Variants in SCFD2 observed in about 807,000 individuals in gnomAD.
SCFD2 encodes sec1 family domain containing 2, also known as sec1 family domain-containing protein 2.
A neutral mutation model predicts 58.9 loss-of-function variants in SCFD2; 54 were observed. That is an observed-to-expected ratio of 0.92 (90% confidence interval 0.74 to 1.15). The LOEUF is 1.15. SCFD2 is among the 50% of genes most tolerant of loss of function. The probability of loss-of-function intolerance (pLI) is 0.00; values close to 1 mark genes in which losing one functional copy is unlikely to be tolerated. For missense variants in SCFD2, 805 were observed against 836.6 expected (o/e 0.96, Z 0.47); for synonymous variants, 321 against 335.9 (o/e 0.96, Z 0.49).
intron 6 of SCFD2, among the ~76,000 whole-genome samples, chr4:52,910,068 T>G (rs1017496671): frequency 6.6e-6 from 1 of 152,230 alleles, no homozygotes; most frequent in Non-Finnish European, 1.5e-5. Context: ...AATTGACCTC[T>G]TCCTTGGTAA....
At chr4:53,005,999 G>A (rs1488800575) in intron 5 of SCFD2, among the ~76,000 whole-genome samples, 1 of 152,096 alleles carries the variant, frequency 6.6e-6, no homozygotes, top group Non-Finnish European at 1.5e-5. Flanking sequence ...TGTGTTCCTG[G>A]CCAAACCTCT....
chr4:53,086,829 A>G (rs1470065456), intron 5 of SCFD2, among the ~76,000 whole-genome samples: 4 of 152,178 alleles, frequency 2.6e-5, no homozygotes, highest in Non-Finnish European at 5.9e-5. Flanking sequence ...GCCAAAAATC[A>G]AAACAATTGA....
At chr4:53,173,412 T>C (rs1560369024) in intron 4 of SCFD2, among the ~76,000 whole-genome samples, 1 of 152,294 alleles carries the variant, frequency 6.6e-6, no homozygotes, top group East Asian at 1.9e-4. Flanking sequence ...TGCTGTTTTT[T>C]GATTTCCATT....
rs200307465 is a variant in SCFD2 at position 53,301,527 on chromosome 4, GA to G, written c.1135+12108del. On this transcript the variant is annotated intron_variant, in intron 3 of 8. Transcript: ENST00000401642. ...AGCCGAATTCTACCAGAGGTACAAG[GA>G]GGAACTGGTACCATTCCTTCTGAAA... Among the ~76,000 whole-genome samples the G allele has an allele frequency of 2.7e-3, 414 of 152,220 alleles. 15 individuals are homozygous for G. In the East Asian group the frequency reaches 0.073, roughly 27 times the overall value.
chr4:53,345,273 A>G (rs1284218702), intron 2 of SCFD2, among the ~76,000 whole-genome samples: 1 of 152,224 alleles, frequency 6.6e-6, no homozygotes, highest in East Asian at 1.9e-4. Flanking sequence ...AACCCCATCA[A>G]AAAGTGGGCA....
At chr4:52,961,599 G>A (rs1489891427) in intron 5 of SCFD2, among the ~76,000 whole-genome samples, 1 of 152,216 alleles carries the variant, frequency 6.6e-6, no homozygotes, top group Non-Finnish European at 1.5e-5. Context: ...CTGAAACAGT[G>A]AGGTGTGGCC....
intron 3 of SCFD2, among the ~76,000 whole-genome samples, chr4:53,287,303 C>T (rs955565725): frequency 3.3e-5 from 5 of 152,164 alleles, no homozygotes; most frequent in African/African-American, 1.2e-4. Flanking sequence ...CTATCACTGC[C>T]TGTGGACCAT....
At chr4:53,316,903 T>C (rs1732880895) in intron 2 of SCFD2, among the ~76,000 whole-genome samples, 1 of 151,676 alleles carries the variant, frequency 6.6e-6, no homozygotes, top group African/African-American at 2.4e-5. Flanking sequence ...AGGTCAGGAG[T>C]TTGAAACCAG....
At chr4:53,035,666 G>A (rs1371770139) in intron 5 of SCFD2, among the ~76,000 whole-genome samples, 1 of 152,084 alleles carries the variant, frequency 6.6e-6, no homozygotes, top group Admixed American at 6.6e-5. Context: ...GTGGGCGAAG[G>A]ATATGAACAG....
chr4:53,065,819 G>T (rs1261564048), intron 5 of SCFD2, among the ~76,000 whole-genome samples: 1 of 151,906 alleles, frequency 6.6e-6, no homozygotes, highest in Admixed American at 6.6e-5. Context: ...TTTTTCAACA[G>T]TTTTAACACA....
At chr4:53,219,020 C>T (rs1728958246) in intron 4 of SCFD2, among the ~76,000 whole-genome samples, 1 of 152,156 alleles carries the variant, frequency 6.6e-6, no homozygotes, top group Non-Finnish European at 1.5e-5. Context: ...GAGGGGTACC[C>T]GGCCGTGTGA....
At chr4:53,338,257 C>T (rs1733742201) in intron 2 of SCFD2, among the ~76,000 whole-genome samples, 1 of 152,134 alleles carries the variant, frequency 6.6e-6, no homozygotes, top group African/African-American at 2.4e-5. Flanking sequence ...CTCATATGCC[C>T]ATCACTGGCA....
At chr4:53,082,241 T>C (rs189070278) in intron 5 of SCFD2, among the ~76,000 whole-genome samples, 390 of 152,284 alleles carry the variant, frequency 2.6e-3, no homozygotes, top group African/African-American at 8.9e-3. Flanking sequence ...GCAACTCTTA[T>C]GTTCAACTTT....
intron 4 of SCFD2, among the ~76,000 whole-genome samples, chr4:53,214,344 A>C (rs1231925274): frequency 6.6e-6 from 1 of 152,072 alleles, no homozygotes; most frequent in Admixed American, 6.5e-5. Flanking sequence ...GATGATCGCC[A>C]TTCTAACTGG....
Position 53,334,306 on chromosome 4 carries a change from G to A in SCFD2, c.1007+18292C>T, listed in dbSNP as rs1733602426. 2.0e-5 allele frequency among the ~76,000 whole-genome samples: 3 copies of A among 152,278 alleles called. No individual in the cohort carries two copies. In the South Asian group the frequency reaches 6.2e-4, roughly 32 times the overall value. ...GCTATAAAGACACAAGCACACGTAT[G>A]TTTATTGTGGCATTATTCACAATAG... On this transcript the variant is annotated intron_variant, in intron 2 of 8. Transcript: ENST00000401642.
intron 7 of SCFD2, among the ~76,000 whole-genome samples, chr4:52,900,425 G>T (rs903061983): frequency 6.6e-6 from 1 of 152,122 alleles, no homozygotes; most frequent in East Asian, 1.9e-4. Flanking sequence ...CTGTTTGCCT[G>T]GGTATGAGCA....
At chr4:52,915,581 G>A (rs537841404) in intron 6 of SCFD2, among the ~76,000 whole-genome samples, 4 of 152,072 alleles carry the variant, frequency 2.6e-5, no homozygotes, top group Admixed American at 6.6e-5. Flanking sequence ...TTGTCTGTCT[G>A]TTCATCCATC....
chr4:53,264,627 GC>G (rs1486979362), intron 4 of SCFD2, among the ~76,000 whole-genome samples: 1 of 152,152 alleles, frequency 6.6e-6, no homozygotes, highest in Non-Finnish European at 1.5e-5. Context: ...GTCAGGAATG[GC>G]ACTAAAATGA....
intron 2 of SCFD2, among the ~76,000 whole-genome samples, chr4:53,345,224 A>C (rs1254247027): frequency 1.3e-5 from 2 of 152,226 alleles, no homozygotes; most frequent in Non-Finnish European, 2.9e-5. Flanking sequence ...AATATCCAGA[A>C]TCTACAAAGA....
Sources: allele counts gnomAD v4.1 joint callset (sites outside exome capture counted in the v4.1 genomes callset), GRCh38; gene constraint gnomAD v4.1.1; transcripts MANE v1.5; gene names NCBI Gene and HGNC (gene_info 2026-07-23, HGNC 2026-07-21).